Variants in FRA10AC1 observed in about 807,000 individuals in gnomAD.
The protein encoded by FRA10AC1 is FRA10A associated CGG repeat 1, also known as protein FRA10AC1.
In FRA10AC1, 43 loss-of-function variants were observed where a neutral mutation model predicts 56.5. That is an observed-to-expected ratio of 0.76 (90% confidence interval 0.60 to 0.98). FRA10AC1 has a LOEUF of 0.98. Among genes scored for constraint, FRA10AC1 ranks in the 50% least tolerant of loss-of-function variants. The pLI is 0.00. For synonymous variants in FRA10AC1, 112 were observed against 110.5 expected (o/e 1.01, Z -0.09); for missense variants, 346 against 351.8 (o/e 0.98, Z 0.13).
rs2058727578 is a variant in FRA10AC1, at chr10:93,669,476, A to G, written c.*350T>C. 5.7e-6 allele frequency: 1 copy of G among 176,010 alleles called. No individual in the cohort carries two copies. The highest frequency in any genetic ancestry group is 2.0e-4 in the South Asian group (1 of 5,094). 10.9% of individuals were successfully genotyped at this position (176,010 alleles called of 1,614,324 possible). ...CTAAAAAAGAGAAAAAGAAGAAATA[A>G]TAAAATAAAATAATGAAGGCAAGAG... On this transcript the variant is annotated 3_prime_UTR_variant, in exon 14 of 14. Transcript: ENST00000359204.
rs1260275989 is a variant in FRA10AC1, at chr10:93,669,091, A to T, written c.*735T>A. 6.6e-6 allele frequency: 1 copy of T among 152,122 alleles called. No individual in the cohort carries two copies. The highest frequency in any genetic ancestry group is 1.5e-5 in the Non-Finnish European group (1 of 68,032). The allele number at this position is 152,122 out of a possible 1,614,324, so 9.4% of individuals were successfully genotyped here. A position where few individuals can be genotyped will look rare whatever the true frequency, so the allele number is the denominator to read the frequency against. The stretch of plus-strand genomic sequence containing the variant: ...TCCACAGGCTAGGAAGTCAAATTTG[A>T]TTATAACAAACTCTCTTAAGTGGTA... On this transcript the variant is annotated 3_prime_UTR_variant, in exon 14 of 14. Coordinates refer to ENST00000359204, the MANE Select transcript of FRA10AC1 (RefSeq NM_145246.5).
In FRA10AC1 at chr10:93,689,056, TG is replaced by T. The variant is rs201636716; in HGVS notation, c.466-1608del. Among the ~76,000 whole-genome samples, 245 of 98,440 alleles carry T rather than the reference TG, an allele frequency of 2.5e-3. 1 individual carries two copies. Among genetic ancestry groups the T allele is most frequent in the African/African-American group, 9.2e-3 (214 of 23,234 alleles). 64.6% of individuals were successfully genotyped at this position (98,440 alleles called of 152,430 possible). A position where few individuals can be genotyped will look rare whatever the true frequency, so the allele number is the denominator to read the frequency against. On this transcript the variant is annotated intron_variant, in intron 7 of 13. Transcript: ENST00000359204. ...ATGCCTTGCTAACTTCAGTTTGTTG[TG>T]GGGTTTTTTTTTTTTTTTTTTCAGC...
chr10:93,692,683 A>G lies in FRA10AC1; in HGVS notation c.343T>C (p.Phe115Leu). The change falls in exon 6 of 14, where the codon TTC (phenylalanine) becomes CTC (leucine). Residue 115 changes from phenylalanine (F) to leucine (L), a missense_variant. Transcript: ENST00000359204. Reference sequence around the variant, plus strand: ...ATTTCGTCCTCCTCATTCCATAGGAATCTATGATTTTCTCGTATAACATCC... The same window carrying G: ...ATTTCGTCCTCCTCATTCCATAGGAGTCTATGATTTTCTCGTATAACATCC... Reference protein sequence around the residue: ...DLDVIRENHRFLWNEEDEMDM... With the variant: ...DLDVIRENHRLLWNEEDEMDM... 6.3e-7 allele frequency: 1 copy of G among 1,599,074 alleles called. No individual in the cohort carries two copies. The highest frequency in any genetic ancestry group is 8.5e-7 in the Non-Finnish European group (1 of 1,173,942).
chr10:93,676,948 CA>C (rs1011938871), intron 11 of FRA10AC1, among the ~76,000 whole-genome samples: 4 of 151,440 alleles, frequency 2.6e-5, no homozygotes, highest in African/African-American at 7.3e-5. Flanking sequence ...TGAATACCTG[CA>C]AAAAAAATCT....
At chr10:93,701,255 C>G (rs566143024) in intron 1 of FRA10AC1, among the ~76,000 whole-genome samples, 1 of 152,272 alleles carries the variant, frequency 6.6e-6, no homozygotes, top group South Asian at 2.1e-4. Flanking sequence ...TCATACATAA[C>G]TAATTTACAT....
At position 93,679,021 on chromosome 10, in the gene FRA10AC1, G is replaced by A. The variant is rs150141159; in HGVS notation, c.788-2330C>T. On this transcript the variant is annotated intron_variant, in intron 11 of 13. Coordinates refer to ENST00000359204, the MANE Select transcript of FRA10AC1 (RefSeq NM_145246.5). ...AAGAAAGAATCAAATCAATGATAAA[G>A]CTAATTCTAGATGATCCCAGATAAG... Among the ~76,000 whole-genome samples the A allele has an allele frequency of 9.9e-4, 151 of 152,236 alleles. 1 individual carries two copies. The highest frequency in any genetic ancestry group is 3.4e-3 in the African/African-American group (143 of 41,546).
chr10:93,700,096 T>C lies in FRA10AC1; in HGVS notation c.11A>G (p.His4Arg). 1 of 1,591,632 alleles carries C rather than the reference T, an allele frequency of 6.3e-7. No homozygotes were observed. Among genetic ancestry groups the C allele is most frequent in the African/African-American group, 1.3e-5 (1 of 74,672 alleles). Residue 4 changes from histidine (H) to arginine (R), a missense_variant, in exon 2 of 14, where the codon CAT (histidine) becomes CGT (arginine). Transcript: ENST00000359204. MHG[H>R]GGYDSDFSDD... ...ACTAAAATCAGAATCATAGCCTCCA[T>C]GACCATGCATCTGTAAAGGAGTACA...
intron 11 of FRA10AC1, 87 bp from the exon 12 acceptor site, chr10:93,676,778 C>A: frequency 1.4e-6 from 2 of 1,438,670 alleles, no homozygotes; most frequent in South Asian, 2.9e-5. Context: ...TAGCAATATT[C>A]TAGTTTGCTT....
Position 93,681,593 on chromosome 10 carries a change from T to C in FRA10AC1, c.674A>G (p.Lys225Arg). ...TTTTCTTTTTTTTGACTTGATTTCT[T>C]TTCTCCTTTGTGTTAAACAATATAA... Reference protein sequence around the residue: ...SIKLNFHHRRKEIKSKKRKDK... With the variant: ...SIKLNFHHRRREIKSKKRKDK... Residue 225 changes from lysine (K) to arginine (R), a missense_variant, in exon 11 of 14, where the codon AAA becomes AGA. Transcript: ENST00000359204. 1 of 1,525,538 alleles carries C rather than the reference T, an allele frequency of 6.6e-7. No individual in the cohort carries two copies. The highest frequency in any genetic ancestry group is 8.8e-7 in the Non-Finnish European group (1 of 1,133,642). 94.5% of individuals were successfully genotyped at this position (1,525,538 alleles called of 1,614,324 possible).
chr10:93,684,841 T>C (rs1262467696), intron 9 of FRA10AC1, among the ~76,000 whole-genome samples: 1 of 152,192 alleles, frequency 6.6e-6, no homozygotes, highest in African/African-American at 2.4e-5. Flanking sequence ...TTCCTAAAGT[T>C]TTTCTTTATT....
At chr10:93,680,801 G>A (rs772184890) in intron 11 of FRA10AC1, among the ~76,000 whole-genome samples, 10 of 152,214 alleles carry the variant, frequency 6.6e-5, no homozygotes, top group African/African-American at 1.2e-4. Flanking sequence ...GAATTATCTC[G>A]TTTCAACTTC....
At chr10:93,692,119 A>G (rs1340586699) in intron 6 of FRA10AC1, 26 bp from the exon 7 acceptor site, 1 of 1,428,126 alleles carries the variant, frequency 7.0e-7, no homozygotes, top group Non-Finnish European at 9.2e-7. Flanking sequence ...TATAAATATT[A>G]TACATTTAGA....
In FRA10AC1 at chr10:93,693,482, GTATATA is replaced by G. The variant is rs777454590; in HGVS notation, c.297-759_297-754del. The stretch of plus-strand genomic sequence containing the variant: ...TGGATAAAGAAAATGTGGTGTGTGT[GTATATA>G]TATATATATATATATATATACACCA... On this transcript the variant is annotated intron_variant, in intron 5 of 13. Transcript: ENST00000359204. Among the ~76,000 whole-genome samples, 215 of 36,286 alleles carry G rather than the reference GTATATA, an allele frequency of 5.9e-3. 7 individuals carry two copies. Among genetic ancestry groups the G allele is most frequent in the African/African-American group, 0.012 (193 of 16,020 alleles). 23.8% of individuals were successfully genotyped at this position (36,286 alleles called of 152,430 possible). A position where few individuals can be genotyped will look rare whatever the true frequency, so the allele number is the denominator to read the frequency against.
intron 10 of FRA10AC1, among the ~76,000 whole-genome samples, chr10:93,683,570 C>T (rs181904197): frequency 1.4e-4 from 22 of 152,146 alleles, no homozygotes; most frequent in Admixed American, 1.2e-3. Flanking sequence ...AGGCTGGTCT[C>T]GAACTTCTGA....
At chr10:93,681,814 ATAAT>A (rs1248237336) in intron 10 of FRA10AC1, among the ~76,000 whole-genome samples, 6 of 152,238 alleles carry the variant, frequency 3.9e-5, no homozygotes, top group Admixed American at 2.6e-4. Context: ...ACTGACACAA[ATAAT>A]TACTTTCTAT....
chr10:93,673,655 C>T, intron 12 of FRA10AC1: 1 of 360,724 alleles, frequency 2.8e-6, no homozygotes, highest in South Asian at 2.2e-5. Context: ...TTCATCAATT[C>T]TAGAGAACAA....
At chr10:93,680,484 A>T (rs2058915520) in intron 11 of FRA10AC1, among the ~76,000 whole-genome samples, 1 of 152,184 alleles carries the variant, frequency 6.6e-6, no homozygotes, top group Admixed American at 6.5e-5. Context: ...GGGAGTAGAC[A>T]GTATCACAAG....
chr10:93,685,523 C>A, intron 8 of FRA10AC1, 164 bp from the exon 9 acceptor site: 3 of 438,264 alleles, frequency 6.8e-6, no homozygotes, highest in Middle Eastern at 5.9e-4. Flanking sequence ...ATACAAGTAT[C>A]AAATCAAAGT....
chr10:93,683,144 C>T (rs1471185127), intron 10 of FRA10AC1, among the ~76,000 whole-genome samples: 1 of 152,088 alleles, frequency 6.6e-6, no homozygotes, highest in African/African-American at 2.4e-5. Context: ...ATTTATTCCC[C>T]ACAATAGCCT....
Sources: allele counts gnomAD v4.1 joint callset (sites outside exome capture counted in the v4.1 genomes callset), GRCh38; gene constraint gnomAD v4.1.1; transcripts MANE v1.5; gene names NCBI Gene and HGNC (gene_info 2026-07-23, HGNC 2026-07-21).